Variants in KIAA1328 observed in about 807,000 individuals in gnomAD.
KIAA1328 encodes protein hinderin.
Under a neutral mutation model 68.1 loss-of-function variants are expected in KIAA1328, and 52 were observed. That is an observed-to-expected ratio of 0.76 (90% CI 0.61 to 0.96). The LOEUF is 0.96. Among genes scored for constraint, KIAA1328 ranks in the 40% least tolerant of loss-of-function variants. The pLI is 0.00. For missense variants in KIAA1328, 641 were observed against 677.6 expected (o/e 0.95, Z 0.60); for synonymous variants, 232 against 239.4 (o/e 0.97, Z 0.28).
At chr18:36,929,058 A>G (rs570923879) in intron 5 of KIAA1328, among the ~76,000 whole-genome samples, 2 of 152,184 alleles carry the variant, frequency 1.3e-5, no homozygotes, top group African/African-American at 2.4e-5. Context: ...TCTTATTAAT[A>G]CAGCTTCCTT....
chr18:37,061,464 T>G (rs2056144229), intron 6 of KIAA1328, among the ~76,000 whole-genome samples: 1 of 152,202 alleles, frequency 6.6e-6, no homozygotes, highest in African/African-American at 2.4e-5. Context: ...TGAAGATCTT[T>G]GCGTTTTATT....
At chr18:37,203,741 G>T (rs143993051) in intron 9 of KIAA1328, among the ~76,000 whole-genome samples, 3 of 152,092 alleles carry the variant, frequency 2.0e-5, no homozygotes, top group South Asian at 4.1e-4. Flanking sequence ...CCCTGCAGCT[G>T]TTGGCCTAGG....
At chr18:37,134,967 C>T (rs1023050591) in intron 7 of KIAA1328, among the ~76,000 whole-genome samples, 2 of 152,098 alleles carry the variant, frequency 1.3e-5, no homozygotes, top group Non-Finnish European at 2.9e-5. Context: ...TTTTCTTTTC[C>T]TGCATTAATT....
At chr18:37,171,290 C>T (rs887341156) in intron 8 of KIAA1328, among the ~76,000 whole-genome samples, 3 of 152,194 alleles carry the variant, frequency 2.0e-5, no homozygotes, top group African/African-American at 7.2e-5. Context: ...TAGCTCACTG[C>T]AGCCTCAACC....
At chr18:37,201,977 C>T (rs531088828) in intron 9 of KIAA1328, among the ~76,000 whole-genome samples, 9 of 152,148 alleles carry the variant, frequency 5.9e-5, no homozygotes, top group African/African-American at 7.2e-5. Flanking sequence ...TATTCGTCAA[C>T]GCCTTGGTGA....
chr18:36,961,328 A>G (rs2051661399), intron 6 of KIAA1328, among the ~76,000 whole-genome samples: 1 of 152,214 alleles, frequency 6.6e-6, no homozygotes. Flanking sequence ...AAAAGACCAA[A>G]TCTACATTTG....
At chr18:37,163,173 G>A (rs1456552125) in intron 8 of KIAA1328, among the ~76,000 whole-genome samples, 1 of 152,102 alleles carries the variant, frequency 6.6e-6, no homozygotes, top group Non-Finnish European at 1.5e-5. Context: ...CCTTTCCTGA[G>A]CAATCATCGA....
intron 7 of KIAA1328, among the ~76,000 whole-genome samples, chr18:37,148,678 G>A (rs2058960532): frequency 6.6e-6 from 1 of 152,120 alleles, no homozygotes; most frequent in Non-Finnish European, 1.5e-5. Context: ...GGCATGAGAT[G>A]GTATCTCTTT....
intron 7 of KIAA1328, among the ~76,000 whole-genome samples, chr18:37,099,236 A>C (rs1175538386): frequency 1.3e-5 from 2 of 152,130 alleles, no homozygotes; most frequent in Admixed American, 1.3e-4. Flanking sequence ...CCTTCTACAC[A>C]CTGCTTTGAA....
At chr18:36,890,274 G>A (rs141283525) in intron 5 of KIAA1328, among the ~76,000 whole-genome samples, 1 of 149,242 alleles carries the variant, frequency 6.7e-6, no homozygotes, top group African/African-American at 2.5e-5. Context: ...TTTGCATGTG[G>A]TATGAAACTT....
chr18:36,880,897 T>A (rs916646352), intron 4 of KIAA1328, among the ~76,000 whole-genome samples: 1 of 152,204 alleles, frequency 6.6e-6, no homozygotes, highest in African/African-American at 2.4e-5. Flanking sequence ...CAACTGTTAA[T>A]CAAATCTTGC....
intron 7 of KIAA1328, among the ~76,000 whole-genome samples, chr18:37,109,568 C>G (rs1313094089): frequency 6.6e-6 from 1 of 152,006 alleles, no homozygotes; most frequent in African/African-American, 2.4e-5. Context: ...TTTCCTAGGG[C>G]ATGACTTATA....
chr18:37,104,184 A>G (rs1017713605), intron 7 of KIAA1328, among the ~76,000 whole-genome samples: 1 of 152,244 alleles, frequency 6.6e-6, no homozygotes, highest in African/African-American at 2.4e-5. Context: ...TCCAAAGGAA[A>G]GGAAATCAGT....
At chr18:36,921,801 G>A (rs2151110991) in intron 5 of KIAA1328, among the ~76,000 whole-genome samples, 1 of 152,244 alleles carries the variant, frequency 6.6e-6, no homozygotes, top group East Asian at 1.9e-4. Context: ...ATTCATATCA[G>A]TTACTGAATT....
chr18:37,087,253 T>C (rs2057132222), intron 7 of KIAA1328, among the ~76,000 whole-genome samples: 1 of 151,746 alleles, frequency 6.6e-6, no homozygotes, highest in African/African-American at 2.4e-5. Context: ...AGAGACGGGG[T>C]TTTGCCATGT....
At chr18:37,063,572 G>A in intron 6 of KIAA1328, 1 of 905,860 alleles carries the variant, frequency 1.1e-6, no homozygotes, top group Non-Finnish European at 1.3e-6. Context: ...TACACTAGGG[G>A]GTGAGAATCA....
intron 6 of KIAA1328, among the ~76,000 whole-genome samples, chr18:37,043,760 C>G (rs2055353953): frequency 6.6e-6 from 1 of 152,158 alleles, no homozygotes; most frequent in South Asian, 2.1e-4. Context: ...CTCTTTTAGT[C>G]TGTACTGAAT....
intron 9 of KIAA1328, among the ~76,000 whole-genome samples, chr18:37,187,776 C>T (rs1414539126): frequency 3.3e-5 from 5 of 152,076 alleles, no homozygotes; most frequent in Non-Finnish European, 7.3e-5. Flanking sequence ...GGAAGCCAAT[C>T]CCTGCCTAGG....
At chr18:37,127,000 G>A (rs915677413) in intron 7 of KIAA1328, among the ~76,000 whole-genome samples, 2 of 152,066 alleles carry the variant, frequency 1.3e-5, no homozygotes, top group Non-Finnish European at 2.9e-5. Flanking sequence ...AGACTTCACC[G>A]TACCCTACTA....
Sources: allele counts gnomAD v4.1 joint callset (sites outside exome capture counted in the v4.1 genomes callset), GRCh38; gene constraint gnomAD v4.1.1; transcripts MANE v1.5; gene names NCBI Gene and HGNC (gene_info 2026-07-23, HGNC 2026-07-21).